The following PCDHGB6 variants were observed in gnomAD, a reference collection of about 807,000 sequenced individuals.
PCDHGB6 encodes protocadherin gamma-B6.
In PCDHGB6, 51 loss-of-function variants were observed where a neutral mutation model predicts 59.1. The observed-to-expected ratio is 0.86, with a 90% confidence interval of 0.69 to 1.09. The LOEUF is 1.09. Among genes scored for constraint, PCDHGB6 ranks in the 50% least tolerant of loss-of-function variants. The probability of loss-of-function intolerance (pLI) is 0.00; values close to 1 mark genes in which losing one functional copy is unlikely to be tolerated. For missense variants in PCDHGB6, 1,148 were observed against 1,205.1 expected (o/e 0.95, Z 0.70); for synonymous variants, 466 against 495.1 (o/e 0.94, Z 0.78).
chr5:141,439,680 A>T (rs1478261632), intron 1 of PCDHGB6, among the ~76,000 whole-genome samples: 1 of 152,236 alleles, frequency 6.6e-6, no homozygotes, highest in African/African-American at 2.4e-5. Context: ...ATCCAAGAGC[A>T]GACCCACAAC....
intron 1 of PCDHGB6, chr5:141,433,267 C>T (rs1462399366): frequency 7.7e-7 from 1 of 1,305,096 alleles, no homozygotes; most frequent in Non-Finnish European, 1.1e-6. Context: ...GATCATAGCT[C>T]ACTGCAGCCT....
Position 141,408,059 on chromosome 5 carries a change from C to T in PCDHGB6, c.-144C>T. 7.6e-7 allele frequency: 1 copy of T among 1,317,324 alleles called. No individual in the cohort carries two copies. Among genetic ancestry groups the T allele is most frequent in the Non-Finnish European group, 1.0e-6 (1 of 991,814 alleles). The allele number at this position is 1,317,324 out of a possible 1,614,324, so 81.6% of individuals were successfully genotyped here. ...CCAGCTCCCACACAGAGCCTCCCGG[C>T]TGCGCAGACCTTTCCCAGCACAGCG... On this transcript the variant is annotated 5_prime_UTR_variant, in exon 1 of 4. Transcript: ENST00000520790.
Position 141,486,587 on chromosome 5 carries a change from G to C in PCDHGB6, c.2419-8220G>C. 6.2e-7 allele frequency: 1 copy of C among 1,613,596 alleles called. No individual in the cohort carries two copies. The highest frequency in any genetic ancestry group is 8.5e-7 in the Non-Finnish European group (1 of 1,180,006). On this transcript the variant is annotated intron_variant, in intron 1 of 3. Transcript: ENST00000520790. The surrounding 1 kb of genome is among the most constrained non-coding windows in gnomAD (Gnocchi z 5.0). ...TGTTCCTGAGAACAATCGCCCAGGG[G>C]ACCTGCTTTGCTCCCTTGCAGCCTC...
At chr5:141,461,826 T>G (rs1466528519) in intron 1 of PCDHGB6, among the ~76,000 whole-genome samples, 2 of 151,912 alleles carry the variant, frequency 1.3e-5, no homozygotes, top group Non-Finnish European at 1.5e-5. Flanking sequence ...GCTAATTTTT[T>G]TTTCTTTTTT....
intron 1 of PCDHGB6, chr5:141,413,935 A>G: frequency 1.2e-6 from 2 of 1,613,372 alleles, no homozygotes; most frequent in Non-Finnish European, 1.7e-6. Flanking sequence ...ATACCGAGTG[A>G]GTGTTCCTGA....
At chr5:141,423,619 T>C (rs1389600826) in intron 1 of PCDHGB6, 1 of 1,608,090 alleles carries the variant, frequency 6.2e-7, no homozygotes. Context: ...AGCTGAAGAC[T>C]CAGCTATCAT....
At chr5:141,454,181 G>A (rs1290295830) in intron 1 of PCDHGB6, among the ~76,000 whole-genome samples, 1 of 152,200 alleles carries the variant, frequency 6.6e-6, no homozygotes, top group Non-Finnish European at 1.5e-5. Context: ...GCAGCTAAAG[G>A]AGCTTAGTGA....
At chr5:141,454,838 C>G (rs1472341694) in intron 1 of PCDHGB6, among the ~76,000 whole-genome samples, 1 of 100,816 alleles carries the variant, frequency 9.9e-6, no homozygotes, top group South Asian at 3.5e-4. Flanking sequence ...GACAGAGTCG[C>G]GCTCTGTCAC....
In PCDHGB6 at chr5:141,432,654, T is replaced by C. The variant is rs2097525297; in HGVS notation, c.2418+22034T>C. ...GGCGAGGTGCGCACGGCGCGAGCCC[T>C]GCTGGACAGAGACGCGCTCAAGCAG... is the stretch of plus-strand genomic sequence containing the variant. On this transcript the variant is annotated intron_variant, in intron 1 of 3. Transcript: ENST00000520790. This position sits in a 1 kb window ranked among gnomAD's most constrained non-coding sequence, Gnocchi z 6.0. The C allele has an allele frequency of 1.2e-6, 2 of 1,613,816 alleles. No homozygotes were observed. Among genetic ancestry groups the C allele is most frequent in the African/African-American group, 1.3e-5 (1 of 75,034 alleles).
intron 2 of PCDHGB6, among the ~76,000 whole-genome samples, chr5:141,501,526 G>A (rs2099809738): frequency 6.6e-6 from 1 of 151,962 alleles, no homozygotes; most frequent in Non-Finnish European, 1.5e-5. Context: ...CTGAAGCCCA[G>A]TACGTTGTTG....
rs376937850 is a variant in PCDHGB6 at position 141,491,097 on chromosome 5, C to T, written c.2419-3710C>T. The T allele has an allele frequency of 1.2e-6, 2 of 1,614,170 alleles. No homozygotes were observed. Among genetic ancestry groups the T allele is most frequent in the Non-Finnish European group, 1.7e-6 (2 of 1,180,018 alleles). On this transcript the variant is annotated intron_variant, in intron 1 of 3. Coordinates refer to ENST00000520790, the MANE Select transcript of PCDHGB6 (RefSeq NM_018926.3). The surrounding 1 kb of genome is among the most constrained non-coding windows in gnomAD (Gnocchi z 6.9). ...CACAGTCCACAGCCCCAGGACTGTT[C>T]CTCGTGTCTACACACACTGGTGAGG...
At chr5:141,420,062 T>G (rs759817545) in intron 1 of PCDHGB6, 1 of 1,614,066 alleles carries the variant, frequency 6.2e-7, no homozygotes, top group Non-Finnish European at 8.5e-7. Context: ...CTGCTCCAAG[T>G]CCGGACCTGT....
At position 141,487,448 on chromosome 5, in the gene PCDHGB6, C is replaced by T; in HGVS notation, c.2419-7359C>T. The stretch of plus-strand genomic sequence containing the variant: ...CCGAATCCAGCTAGGGTCAGATGAC[C>T]CTATCAAGTTTGTTGATGTGGGAGG... On this transcript the variant is annotated intron_variant, in intron 1 of 3. Coordinates refer to ENST00000520790, the MANE Select transcript of PCDHGB6 (RefSeq NM_018926.3). The surrounding 1 kb of genome is among the most constrained non-coding windows in gnomAD (Gnocchi z 5.0). 6.8e-6 allele frequency: 11 copies of T among 1,614,146 alleles called. No individual in the cohort carries two copies. The highest frequency in any genetic ancestry group is 9.3e-6 in the Non-Finnish European group (11 of 1,180,028).
intron 1 of PCDHGB6, chr5:141,428,160 T>C (rs761366261): frequency 6.4e-7 from 1 of 1,572,286 alleles, no homozygotes; most frequent in Non-Finnish European, 8.7e-7. Context: ...AACCTGCTGG[T>C]TGCTGTGCGT....
chr5:141,409,914 G>C lies in PCDHGB6; in HGVS notation c.1712G>C (p.Gly571Ala). 6.2e-7 allele frequency: 1 copy of C among 1,613,348 alleles called. No individual in the cohort carries two copies. Among genetic ancestry groups the C allele is most frequent in the East Asian group, 2.2e-5 (1 of 44,874 alleles). ...RVLYPALGPD[G>A]SAFFDMVPRS... Reference sequence around the variant, plus strand: ...CTGTACCCAGCTCTGGGTCCTGACGGCTCCGCGTTCTTCGATATGGTACCT... The same window carrying C: ...CTGTACCCAGCTCTGGGTCCTGACGCCTCCGCGTTCTTCGATATGGTACCT... Residue 571 changes from glycine to alanine, a missense_variant, in exon 1 of 4, where the codon GGC (glycine) becomes GCC (alanine). By Grantham distance (60) the Gly-to-Ala change is moderately conservative. Transcript: ENST00000520790.
intron 1 of PCDHGB6, chr5:141,413,447 C>T: frequency 2.5e-6 from 4 of 1,614,088 alleles, no homozygotes; most frequent in Non-Finnish European, 3.4e-6. Flanking sequence ...TTGATCACCG[C>T]GGGCAGGATA....
chr5:141,510,840 A>C (rs2099882997), intron 3 of PCDHGB6, 107 bp from the exon 4 acceptor site: 1 of 1,588,450 alleles, frequency 6.3e-7, no homozygotes, highest in Non-Finnish European at 8.6e-7. Context: ...CAGCGTGGTC[A>C]AGGCCCAGGG....
At chr5:141,459,136 T>C (rs1044347522) in intron 1 of PCDHGB6, among the ~76,000 whole-genome samples, 2 of 152,224 alleles carry the variant, frequency 1.3e-5, no homozygotes, top group Non-Finnish European at 2.9e-5. Context: ...GTAACCACCA[T>C]GCAATCAAAA....
In PCDHGB6 at chr5:141,456,878, G is replaced by T. The variant is rs71583646; in HGVS notation, c.2419-37929G>T. On this transcript the variant is annotated intron_variant, in intron 1 of 3. Coordinates refer to ENST00000520790, the MANE Select transcript of PCDHGB6 (RefSeq NM_018926.3). ...ATTGGGAGGCTGAGGCAGGAGAATCGCTTGAACCCGGGAGGCAGAGGTTGC... is the reference window on the plus strand; with the variant it reads ...ATTGGGAGGCTGAGGCAGGAGAATCTCTTGAACCCGGGAGGCAGAGGTTGC... Among the ~76,000 whole-genome samples, 307 of 152,160 alleles carry T rather than the reference G, an allele frequency of 2.0e-3. 1 individual carries two copies. The highest frequency in any genetic ancestry group is 0.01 in the Middle Eastern group (3 of 294).
Sources: gnomAD v4.1 joint callset for allele counts (sites outside exome capture counted in the v4.1 genomes callset) on GRCh38, gnomAD v4.1.1 for gene constraint, Gnocchi (gnomAD v3.1) non-coding constraint, MANE v1.5 for transcripts, NCBI Gene and HGNC (gene_info 2026-07-23, HGNC 2026-07-21) for gene names.